ZCCHC9: variants seen among roughly 807,000 people sequenced by gnomAD.
ZCCHC9 encodes the protein zinc finger CCHC domain-containing protein 9.
A neutral mutation model predicts 30.8 loss-of-function variants in ZCCHC9; 18 were observed. That is an observed-to-expected ratio of 0.58 (90% confidence interval 0.40 to 0.87). The LOEUF is 0.87. ZCCHC9 is among the 40% of genes least tolerant of loss of function. ZCCHC9 has a pLI of 0.00. For missense variants in ZCCHC9, 279 were observed against 331.2 expected (o/e 0.84, Z 1.22); for synonymous variants, 94 against 106.7 (o/e 0.88, Z 0.73).
intron 4 of ZCCHC9, among the ~76,000 whole-genome samples, chr5:81,310,558 GA>G (rs1162116495): frequency 6.6e-5 from 10 of 152,112 alleles, no homozygotes; most frequent in Admixed American, 4.6e-4. Flanking sequence ...GCATGATCAA[GA>G]TAATGCTTGA....
chr5:81,308,422 C>A, intron 2 of ZCCHC9, 139 bp from the exon 3 acceptor site: 1 of 1,156,566 alleles, frequency 8.6e-7, no homozygotes, highest in East Asian at 2.8e-5. Context: ...CGTATGAAAG[C>A]TTTTTTCTAC....
chr5:81,305,354 A>G (rs1758058885), intron 2 of ZCCHC9, among the ~76,000 whole-genome samples: 1 of 152,222 alleles, frequency 6.6e-6, no homozygotes. Flanking sequence ...GTGATGGCAT[A>G]TATTCCCATA....
intron 4 of ZCCHC9, among the ~76,000 whole-genome samples, chr5:81,310,523 T>A (rs1384018901): frequency 6.6e-6 from 1 of 152,204 alleles, no homozygotes; most frequent in Non-Finnish European, 1.5e-5. Context: ...ATTAGGTCAT[T>A]TTTCTAAGTC....
At chr5:81,309,112 C>A in intron 4 of ZCCHC9, 74 bp downstream of exon 4, 1 of 1,120,550 alleles carries the variant, frequency 8.9e-7, no homozygotes, top group South Asian at 1.6e-5. Flanking sequence ...CACTCAATCA[C>A]AGTTCTTGAA....
chr5:81,308,818 G>T, intron 3 of ZCCHC9, 107 bp downstream of exon 3: 1 of 1,439,358 alleles, frequency 6.9e-7, no homozygotes. Context: ...CTTAGTATTT[G>T]GAAATCATAT....
chr5:81,304,984 T>C lies in ZCCHC9; in HGVS notation c.227T>C (p.Met76Thr). Reference protein sequence around the residue: ...EYLNEDVNGFMEYLRQNSQMV... With the variant: ...EYLNEDVNGFTEYLRQNSQMV... ...TTAAATGAAGATGTGAATGGATTCA[T>C]GGAATACCTAAGACAGAATTCACAG... The change falls in exon 2 of 6, where the codon ATG (methionine) becomes ACG (threonine). Residue 76 changes from methionine to threonine, a missense_variant. Transcript: ENST00000407610. 1 of 1,614,180 alleles carries C rather than the reference T, an allele frequency of 6.2e-7. No homozygotes were observed. The highest frequency in any genetic ancestry group is 8.5e-7 in the Non-Finnish European group (1 of 1,180,046).
intron 1 of ZCCHC9, 126 bp from the exon 2 acceptor site, chr5:81,304,613 AGT>A (rs1758039445): frequency 8.5e-6 from 6 of 702,462 alleles, no homozygotes; most frequent in Non-Finnish European, 1.3e-5. Flanking sequence ...TGAAATAAAA[AGT>A]GTTTTAATAA....
At chr5:81,305,179 T>C in intron 2 of ZCCHC9, 38 bp downstream of exon 2, 2 of 1,544,336 alleles carry the variant, frequency 1.3e-6, no homozygotes, top group Non-Finnish European at 1.7e-6. Context: ...TTACTTTATT[T>C]AGCTGGAAAC....
At chr5:81,308,516 C>T in intron 2 of ZCCHC9, 45 bp from the exon 3 acceptor site, 1 of 1,527,426 alleles carries the variant, frequency 6.5e-7, no homozygotes, top group South Asian at 1.3e-5. Flanking sequence ...AATAAAGTCA[C>T]TGGTATAGTT....
At chr5:81,310,484 A>G (rs1561307925) in intron 4 of ZCCHC9, among the ~76,000 whole-genome samples, 1 of 152,212 alleles carries the variant, frequency 6.6e-6, no homozygotes. Flanking sequence ...GGGGAAAAAA[A>G]AAAGAAAATT....
intron 4 of ZCCHC9, among the ~76,000 whole-genome samples, chr5:81,309,630 C>G (rs1758208675): frequency 6.6e-6 from 1 of 152,080 alleles, no homozygotes; most frequent in Non-Finnish European, 1.5e-5. Context: ...TGTGTCATGT[C>G]CTGGGTTTCC....
intron 5 of ZCCHC9, among the ~76,000 whole-genome samples, chr5:81,311,507 A>G (rs1406134520): frequency 1.3e-5 from 2 of 152,206 alleles, no homozygotes; most frequent in African/African-American, 4.8e-5. Flanking sequence ...CCCTGACTTT[A>G]TAAGACACCT....
intron 2 of ZCCHC9, among the ~76,000 whole-genome samples, chr5:81,307,763 G>A (rs969370650): frequency 2.0e-5 from 3 of 151,840 alleles, no homozygotes; most frequent in African/African-American, 7.3e-5. Flanking sequence ...TTGGGAGGCC[G>A]AGGCGGGTGG....
intron 4 of ZCCHC9, 39 bp from the exon 5 acceptor site, chr5:81,311,172 A>G: frequency 1.2e-6 from 2 of 1,611,040 alleles, no homozygotes. Context: ...ACCCCTTGCA[A>G]GTATGAGATG....
chr5:81,307,349 A>G (rs1398003700), intron 2 of ZCCHC9, among the ~76,000 whole-genome samples: 2 of 152,218 alleles, frequency 1.3e-5, no homozygotes, highest in Non-Finnish European at 2.9e-5. Flanking sequence ...CTAAAAATGA[A>G]ACCTATTTCT....
intron 5 of ZCCHC9, among the ~76,000 whole-genome samples, chr5:81,311,926 T>C (rs1035332933): frequency 3.4e-5 from 5 of 148,612 alleles, no homozygotes; most frequent in Admixed American, 2.1e-4. Context: ...CCAGCAGTGC[T>C]TCTTATGGAA....
At position 81,309,008 on chromosome 5, in the gene ZCCHC9, C is replaced by A; in HGVS notation, c.598C>A (p.Pro200Thr). The change falls in exon 4 of 6, where the codon CCT becomes ACT. Residue 200 changes from proline (P) to threonine (T), a missense_variant. Physicochemically the swap from Pro to Thr is conservative, Grantham distance 38. Transcript: ENST00000407610. ...AATGGGGCACCTGTCTAGATCTTGT[C>A]CTGATAATCCCAAAGGACTCTATGC... ...GEMGHLSRSC[P>T]DNPKGLYADG... 6.2e-7 allele frequency: 1 copy of A among 1,612,744 alleles called. No homozygotes were observed. The highest frequency in any genetic ancestry group is 8.5e-7 in the Non-Finnish European group (1 of 1,179,538).
chr5:81,307,994 CAAAAAAA>C (rs11322486), intron 2 of ZCCHC9, among the ~76,000 whole-genome samples: 10 of 30,300 alleles, frequency 3.3e-4, no homozygotes, highest in African/African-American at 6.9e-4. Context: ...GACTCCGTCT[CAAAAAAA>C]AAAAAAAAAA....
At chr5:81,301,949 A>C (rs1197122175) in intron 1 of ZCCHC9, 2 of 152,254 alleles carry the variant, frequency 1.3e-5, no homozygotes, top group Non-Finnish European at 2.9e-5. Context: ...TTGATAACCC[A>C]GAGCCTCCCC....
Sources: allele counts gnomAD v4.1 joint callset (sites outside exome capture counted in the v4.1 genomes callset), GRCh38; gene constraint gnomAD v4.1.1; transcripts MANE v1.5; gene names NCBI Gene and HGNC (gene_info 2026-07-23, HGNC 2026-07-21).